TRPM3: variants seen among roughly 807,000 people sequenced by gnomAD.
The protein encoded by TRPM3 is long transient receptor potential channel 3.
TRPM3 carries 77 observed loss-of-function variants against 181.2 expected under a neutral mutation model. That is an observed-to-expected ratio of 0.42 (90% CI 0.35 to 0.51). TRPM3 has a LOEUF of 0.51. Ranked by LOEUF, TRPM3 falls within the 20% of genes least tolerant of loss-of-function variation. The probability of loss-of-function intolerance (pLI) is 0.01; values close to 1 mark genes in which losing one functional copy is unlikely to be tolerated. For missense variants in TRPM3, 1,759 were observed against 2,196.7 expected (o/e 0.80, Z 3.98); for synonymous variants, 745 against 796.4 (o/e 0.94, Z 1.09).
intron 1 of TRPM3, among the ~76,000 whole-genome samples, chr9:71,147,416 A>AACAC (rs1339639115): frequency 4.2e-5 from 3 of 71,328 alleles, no homozygotes; most frequent in African/African-American, 5.3e-5. Flanking sequence ...TCTTGCCTGC[A>AACAC]ACACACAGAC....
At chr9:71,325,001 G>C (rs547060856) in intron 1 of TRPM3, among the ~76,000 whole-genome samples, 134 of 152,146 alleles carry the variant, frequency 8.8e-4, no homozygotes, top group Non-Finnish European at 1.5e-3. Context: ...CAAATATACG[G>C]TAAGAAGAAA....
chr9:71,260,167 G>A (rs562960741), intron 1 of TRPM3, among the ~76,000 whole-genome samples: 8 of 152,204 alleles, frequency 5.3e-5, no homozygotes, highest in East Asian at 1.9e-4. Context: ...TTTTTGTCAG[G>A]TTTGTCAAAG....
At chr9:71,331,901 A>AGAGGAGACGGAG (rs2090206154) in intron 1 of TRPM3, among the ~76,000 whole-genome samples, 1 of 5,170 alleles carries the variant, frequency 1.9e-4, no homozygotes, top group Non-Finnish European at 4.7e-4. Context: ...GGGAGGAAGA[A>AGAGGAGACGGAG]GAGGAGGAAG....
chr9:70,883,681 A>G (rs149878885), intron 1 of TRPM3, among the ~76,000 whole-genome samples: 1 of 152,368 alleles, frequency 6.6e-6, no homozygotes, highest in African/African-American at 2.4e-5. Context: ...CAAAGGTACC[A>G]GAAAATTTAT....
At chr9:71,014,595 T>C (rs2097769795) in intron 1 of TRPM3, among the ~76,000 whole-genome samples, 1 of 152,106 alleles carries the variant, frequency 6.6e-6, no homozygotes, top group Admixed American at 6.5e-5. Flanking sequence ...TTTAGCATTA[T>C]AAAGCATCCT....
intron 1 of TRPM3, among the ~76,000 whole-genome samples, chr9:71,157,418 A>G (rs756622703): frequency 6.6e-6 from 1 of 152,106 alleles, no homozygotes; most frequent in Non-Finnish European, 1.5e-5. Flanking sequence ...AAAATATGTT[A>G]GTTTCTATAT....
chr9:70,542,979 CT>C (rs1193307977), intron 25 of TRPM3, among the ~76,000 whole-genome samples: 1 of 152,038 alleles, frequency 6.6e-6, no homozygotes, highest in Non-Finnish European at 1.5e-5. Flanking sequence ...CTCATTAACT[CT>C]GGGGAGAAAA....
intron 1 of TRPM3, among the ~76,000 whole-genome samples, chr9:71,287,219 T>C (rs1258247321): frequency 6.6e-6 from 1 of 150,454 alleles, no homozygotes; most frequent in Non-Finnish European, 1.5e-5. Flanking sequence ...AGATTTACCA[T>C]CTAATTTGAG....
intron 1 of TRPM3, among the ~76,000 whole-genome samples, chr9:70,947,700 C>T (rs1323464923): frequency 6.6e-6 from 1 of 152,192 alleles, no homozygotes; most frequent in East Asian, 1.9e-4. Context: ...GGCTCCAAGA[C>T]ACCATTTTTA....
chr9:70,574,547 T>A (rs185650334), intron 22 of TRPM3, among the ~76,000 whole-genome samples: 109 of 152,362 alleles, frequency 7.2e-4, no homozygotes, highest in African/African-American at 2.6e-3. Flanking sequence ...CATCACATAC[T>A]TAGCAGAGCT....
chr9:70,891,035 G>A (rs117430820), intron 1 of TRPM3, among the ~76,000 whole-genome samples: 4 of 152,038 alleles, frequency 2.6e-5, no homozygotes, highest in South Asian at 2.1e-4. Context: ...GTGGGGAGAG[G>A]GGGGAGGGAT....
chr9:70,767,930 G>A (rs912398384), intron 7 of TRPM3, among the ~76,000 whole-genome samples: 4 of 152,138 alleles, frequency 2.6e-5, no homozygotes, highest in African/African-American at 7.2e-5. Flanking sequence ...TCACTTTCTT[G>A]TACTTGATTA....
chr9:71,416,537 TG>T (rs138225841), intron 1 of TRPM3, among the ~76,000 whole-genome samples: 27 of 152,040 alleles, frequency 1.8e-4, no homozygotes, highest in African/African-American at 6.0e-4. Context: ...CTTGTATCAT[TG>T]TTGATGAAAA....
intron 1 of TRPM3, among the ~76,000 whole-genome samples, chr9:71,332,532 C>T (rs886825774): frequency 6.6e-6 from 1 of 150,432 alleles, no homozygotes; most frequent in African/African-American, 2.5e-5. Context: ...CAAAGCCAGT[C>T]ATAAGAATGC....
intron 1 of TRPM3, among the ~76,000 whole-genome samples, chr9:71,159,056 G>A (rs1247686578): frequency 6.6e-6 from 1 of 151,402 alleles, no homozygotes; most frequent in Non-Finnish European, 1.5e-5. Context: ...CAGACGGTGG[G>A]ATCTCTAAGC....
At chr9:70,991,268 CAT>C (rs1191147654) in intron 1 of TRPM3, among the ~76,000 whole-genome samples, 1 of 152,092 alleles carries the variant, frequency 6.6e-6, no homozygotes, top group South Asian at 2.1e-4. Flanking sequence ...TTATTGTTTA[CAT>C]ATGTTATGAA....
At chr9:71,320,241 C>T (rs1165387899) in intron 1 of TRPM3, among the ~76,000 whole-genome samples, 1 of 151,348 alleles carries the variant, frequency 6.6e-6, no homozygotes, top group Non-Finnish European at 1.5e-5. Flanking sequence ...TTAAAAAGAA[C>T]AGCAATACAG....
chr9:70,803,544 G>A (rs1205938255), intron 6 of TRPM3, among the ~76,000 whole-genome samples: 1 of 149,400 alleles, frequency 6.7e-6, no homozygotes, highest in Admixed American at 6.6e-5. Flanking sequence ...CGCCTCCCAG[G>A]TTCATGCTTT....
At chr9:70,678,913 G>A (rs2064728541) in intron 9 of TRPM3, among the ~76,000 whole-genome samples, 1 of 152,222 alleles carries the variant, frequency 6.6e-6, no homozygotes, top group Admixed American at 6.5e-5. Flanking sequence ...AATCAAATGG[G>A]TCAGCAACTG....
Sources: gnomAD v4.1 joint callset for allele counts (sites outside exome capture counted in the v4.1 genomes callset) on GRCh38, gnomAD v4.1.1 for gene constraint, MANE v1.5 for transcripts, NCBI Gene and HGNC (gene_info 2026-07-23, HGNC 2026-07-21) for gene names.